The following MUC13 variants were observed in gnomAD, a reference collection of about 807,000 sequenced individuals.
The protein encoded by MUC13 is mucin 13, cell surface associated.
MUC13 carries 32 observed loss-of-function variants against 48.3 expected under a neutral mutation model. The ratio of observed to expected loss-of-function variants is 0.66; its 90% CI spans 0.50 to 0.89. The LOEUF (loss-of-function observed/expected upper bound fraction) is 0.89. Among genes scored for constraint, MUC13 ranks in the 40% least tolerant of loss-of-function variants. MUC13 has a pLI of 0.00. For missense variants in MUC13, 571 were observed against 622.8 expected (o/e 0.92, Z 0.88); for synonymous variants, 199 against 224.9 (o/e 0.88, Z 1.03).
rs1331652148 is a variant in MUC13, at chr3:124,934,717, GCTGTT to G, written c.-10_-6del. ...AAGATGAATGATGGCTTTCATTTTA[GCTGTT>G]CTTGCTTGGTAATCTGAGGAGGAAA... On this transcript the variant is annotated 5_prime_UTR_variant, in exon 1 of 12. Transcript: ENST00000616727. 4 of 1,606,884 alleles carry G rather than the reference GCTGTT, an allele frequency of 2.5e-6. No homozygotes were observed. The highest frequency in any genetic ancestry group is 3.4e-6 in the Non-Finnish European group (4 of 1,173,826).
chr3:124,920,104 T>G (rs771605386), intron 5 of MUC13, 130 bp downstream of exon 5: 3 of 808,726 alleles, frequency 3.7e-6, no homozygotes, highest in Non-Finnish European at 6.2e-6. Context: ...GTGCTCAGAC[T>G]GAGACTGACC....
rs762506809 is a variant in MUC13, at chr3:124,934,706, C to T, written c.7G>A (p.Ala3Thr). The T allele has an allele frequency of 1.2e-6, 2 of 1,610,398 alleles. No homozygotes were observed. The highest frequency in any genetic ancestry group is 1.7e-6 in the Non-Finnish European group (2 of 1,176,882). Residue 3 changes from alanine to threonine, a missense_variant, in exon 1 of 12, where the codon GCC becomes ACC. Physicochemically the swap from Ala to Thr is moderately conservative, Grantham distance 58. Coordinates refer to ENST00000616727, the MANE Select transcript of MUC13 (RefSeq NM_033049.4). Reference sequence around the variant, plus strand: ...GCAAGAAGAGTAAGATGAATGATGGCTTTCATTTTAGCTGTTCTTGCTTGG... The same window carrying T: ...GCAAGAAGAGTAAGATGAATGATGGTTTTCATTTTAGCTGTTCTTGCTTGG... MK[A>T]IIHLTLLALL...
chr3:124,913,654 C>T lies in MUC13; in HGVS notation c.992G>A (p.Cys331Tyr), dbSNP rs1935462983. 3 of 1,614,054 alleles carry T rather than the reference C, an allele frequency of 1.9e-6. No homozygotes were observed. Among genetic ancestry groups the T allele is most frequent in the Non-Finnish European group, 1.7e-6 (2 of 1,180,014 alleles). ...GAGGCAGTCATCCGCAGTCTGGTTA[C>T]AGCCATAATAATCACACCGAAGGGT... Reference protein sequence around the residue: ...DLTLRCDYYGCNQTADDCLNG... With the variant: ...DLTLRCDYYGYNQTADDCLNG... The change falls in exon 7 of 12, where the codon TGT becomes TAT. Residue 331 changes from cysteine to tyrosine, a missense_variant. By Grantham distance (194) the Cys-to-Tyr change is radical (BLOSUM62 -2). Coordinates refer to ENST00000616727, the MANE Select transcript of MUC13 (RefSeq NM_033049.4).
intron 9 of MUC13, among the ~76,000 whole-genome samples, chr3:124,911,070 A>G (rs1177536917): frequency 1.3e-5 from 2 of 152,260 alleles, no homozygotes; most frequent in African/African-American, 4.8e-5. Context: ...CATGTGAAAA[A>G]AATGTGAGAG....
At chr3:124,922,832 G>C (rs1690407775) in intron 3 of MUC13, among the ~76,000 whole-genome samples, 1 of 151,904 alleles carries the variant, frequency 6.6e-6, no homozygotes, top group African/African-American at 2.4e-5. Flanking sequence ...CTTCCTTGAT[G>C]TAATCATTTT....
rs1410897751 is a variant in MUC13 at position 124,923,522 on chromosome 3, C to T, written c.637+5G>A. ...CTCAGCCATGGCTCATCCCTTGTAA[C>T]TCACCTTTCTTACATGTAGAAGAGT... On this transcript the variant is annotated splice_donor_5th_base_variant and intron_variant, in intron 3 of 11. Transcript: ENST00000616727. 1 of 1,612,690 alleles carries T rather than the reference C, an allele frequency of 6.2e-7. No homozygotes were observed.
At chr3:124,919,485 T>C (rs1014186020) in intron 5 of MUC13, among the ~76,000 whole-genome samples, 1 of 151,938 alleles carries the variant, frequency 6.6e-6, no homozygotes, top group Non-Finnish European at 1.5e-5. Context: ...CCACCATGTC[T>C]GGCCTTCACA....
At position 124,905,866 on chromosome 3, in the gene MUC13, G is replaced by T. The variant is rs370014838; in HGVS notation, c.*877C>A. 2 of 152,596 alleles carry T rather than the reference G, an allele frequency of 1.3e-5. No homozygotes were observed. The highest frequency in any genetic ancestry group is 6.5e-5 in the Admixed American group (1 of 15,308). 9.5% of individuals were successfully genotyped at this position (152,596 alleles called of 1,614,324 possible). A position where few individuals can be genotyped will look rare whatever the true frequency, so the allele number is the denominator to read the frequency against. The stretch of plus-strand genomic sequence containing the variant: ...CAGTCTTCGGGAGGGCATGATTAGA[G>T]AAGTGCTCCTTTGCTGATGGAGGAG... On this transcript the variant is annotated 3_prime_UTR_variant, in exon 12 of 12. Coordinates refer to ENST00000616727, the MANE Select transcript of MUC13 (RefSeq NM_033049.4).
chr3:124,910,572 A>T, intron 9 of MUC13, 73 bp from the exon 10 acceptor site: 1 of 1,584,228 alleles, frequency 6.3e-7, no homozygotes, highest in Non-Finnish European at 8.6e-7. Context: ...AGGTTCGTGT[A>T]TTCCCAGGGA....
rs1935309254 is a variant in MUC13 at position 124,905,967 on chromosome 3, C to T, written c.*776G>A. 1 of 152,720 alleles carries T rather than the reference C, an allele frequency of 6.5e-6. No homozygotes were observed. Among genetic ancestry groups the T allele is most frequent in the East Asian group, 1.9e-4 (1 of 5,202 alleles). The allele number at this position is 152,720 out of a possible 1,614,324, so 9.5% of individuals were successfully genotyped here. A position where few individuals can be genotyped will look rare whatever the true frequency, so the allele number is the denominator to read the frequency against. ...TCCCCACCCAGTTTCCTTTGCCTCT[C>T]TTCCTTCTACCAGGTCATGTTTTTT... On this transcript the variant is annotated 3_prime_UTR_variant, in exon 12 of 12. Coordinates refer to ENST00000616727, the MANE Select transcript of MUC13 (RefSeq NM_033049.4).
rs2107673319 is a variant in MUC13 at position 124,927,672 on chromosome 3, G to A, written c.374C>T (p.Ser125Phe). 6.2e-7 allele frequency: 1 copy of A among 1,614,230 alleles called. No homozygotes were observed. Reference protein sequence around the residue: ...LATSDIITASSPNDGLITMVP... With the variant: ...LATSDIITASFPNDGLITMVP... ...CATTGTGATTAATCCATCATTTGGA[G>A]ATGAAGCGGTGATTATGTCAGAGGT... The change falls in exon 2 of 12, where the codon TCT becomes TTT. Residue 125 changes from serine (S) to phenylalanine (F), a missense_variant. Transcript: ENST00000616727.
At chr3:124,908,917 G>T (rs149169358) in intron 10 of MUC13, among the ~76,000 whole-genome samples, 4,584 of 152,306 alleles carry the variant, frequency 0.03, 106 homozygotes, top group South Asian at 0.045. Context: ...ACTCTGGGAG[G>T]CCGTGGTGGG....
chr3:124,934,545 AT>A, intron 1 of MUC13, 115 bp downstream of exon 1: 1 of 724,790 alleles, frequency 1.4e-6, no homozygotes, highest in Non-Finnish European at 2.5e-6. Flanking sequence ...AGGAAACTTC[AT>A]TTATAAAATA....
chr3:124,907,670 AG>A (rs1333539409), intron 11 of MUC13, among the ~76,000 whole-genome samples: 3 of 152,032 alleles, frequency 2.0e-5, no homozygotes, highest in African/African-American at 7.3e-5. Context: ...AGAGAGAGAG[AG>A]AGAGAGAGAG....
intron 6 of MUC13, among the ~76,000 whole-genome samples, 158 bp from the exon 7 acceptor site, chr3:124,913,839 G>A (rs1935466882): frequency 6.6e-6 from 1 of 152,190 alleles, no homozygotes; most frequent in South Asian, 2.1e-4. Context: ...CACTTTAGAA[G>A]GCCAAGGCAG....
chr3:124,928,735 T>C (rs1307263780), intron 1 of MUC13, among the ~76,000 whole-genome samples: 1 of 152,202 alleles, frequency 6.6e-6, no homozygotes, highest in Non-Finnish European at 1.5e-5. Flanking sequence ...TTTATGCCTG[T>C]AGTCACGTAA....
chr3:124,925,371 C>G (rs924968193), intron 2 of MUC13, among the ~76,000 whole-genome samples: 1 of 152,172 alleles, frequency 6.6e-6, no homozygotes, highest in African/African-American at 2.4e-5. Context: ...ATAGTGGATG[C>G]ATGCCATTAT....
chr3:124,910,355 G>T, intron 10 of MUC13, 60 bp downstream of exon 10: 1 of 1,580,864 alleles, frequency 6.3e-7, no homozygotes, highest in South Asian at 1.2e-5. Flanking sequence ...GCAACATAGT[G>T]AGACCCCCCC....
In MUC13 at chr3:124,910,413, A is replaced by G; in HGVS notation, c.1337+2T>C. 6.2e-7 allele frequency: 1 copy of G among 1,613,872 alleles called. No individual in the cohort carries two copies. The highest frequency in any genetic ancestry group is 8.5e-7 in the Non-Finnish European group (1 of 1,179,874). The stretch of plus-strand genomic sequence containing the variant: ...TTTAAAAAGGACACTTTCATCCCAT[A>G]CCTTGCTGTGACAATCAATGCAATT... On this transcript the variant is annotated splice_donor_variant, in intron 10 of 11. Transcript: ENST00000616727. LOFTEE classifies it high-confidence loss of function.
Sources: allele counts gnomAD v4.1 joint callset (sites outside exome capture counted in the v4.1 genomes callset), GRCh38; gene constraint gnomAD v4.1.1; transcripts MANE v1.5; gene names NCBI Gene and HGNC (gene_info 2026-07-23, HGNC 2026-07-21).